ST3GAL1: variants seen among roughly 807,000 people sequenced by gnomAD.
ST3GAL1 encodes the protein CMP-N-acetylneuraminate-beta-galactosamide-alpha-2,3-sialyltransferase 1.
ST3GAL1 carries 16 observed loss-of-function variants against 34.1 expected under a neutral mutation model. The ratio of observed to expected loss-of-function variants is 0.47; its 90% CI spans 0.32 to 0.71. The LOEUF (loss-of-function observed/expected upper bound fraction) is 0.71, where lower values mean the gene tolerates loss of function less well. ST3GAL1 is among the 30% of genes least tolerant of loss of function. The pLI, the probability that ST3GAL1 is intolerant of heterozygous loss-of-function variation, is 0.04. For synonymous variants in ST3GAL1, 191 were observed against 184.7 expected, an observed-to-expected ratio of 1.03 and a Z score of -0.28; for missense variants, 353 against 447.4, an observed-to-expected ratio of 0.79 and a Z score of 1.90.
intron 2 of ST3GAL1, among the ~76,000 whole-genome samples, chr8:133,517,962 A>G (rs1468960707): frequency 6.6e-6 from 1 of 152,216 alleles, no homozygotes; most frequent in Admixed American, 6.5e-5. Context: ...AGTGGCAGCC[A>G]TCTCCTTTGG....
intron 1 of ST3GAL1, among the ~76,000 whole-genome samples, chr8:133,551,590 GAAAGAAAGAAAGAAA>G (rs1818858355): frequency 6.7e-6 from 1 of 150,058 alleles, no homozygotes; most frequent in African/African-American, 2.5e-5. Context: ...AAGAAAGAAA[GAAAGAAAGAAAGAAA>G]GAAAGAAAGA....
intron 1 of ST3GAL1, among the ~76,000 whole-genome samples, chr8:133,569,910 G>A (rs1563747555): frequency 6.6e-6 from 1 of 152,280 alleles, no homozygotes; most frequent in Non-Finnish European, 1.5e-5. Context: ...GCACGTAGTA[G>A]GTGCTCCAGG....
At chr8:133,486,479 G>A (rs538785907) in intron 3 of ST3GAL1, among the ~76,000 whole-genome samples, 4 of 152,276 alleles carry the variant, frequency 2.6e-5, no homozygotes, top group African/African-American at 9.6e-5. Context: ...CCCACTCAAC[G>A]CCGCTCTCCT....
chr8:133,565,744 G>T (rs1819376092), intron 1 of ST3GAL1, among the ~76,000 whole-genome samples: 2 of 152,196 alleles, frequency 1.3e-5, no homozygotes, highest in Non-Finnish European at 2.9e-5. Context: ...AGAGGGAGTG[G>T]GAATTTATAC....
At chr8:133,479,697 G>A (rs539956466) in intron 3 of ST3GAL1, among the ~76,000 whole-genome samples, 2 of 152,260 alleles carry the variant, frequency 1.3e-5, no homozygotes, top group Admixed American at 6.5e-5. Context: ...GAGAGGCAGG[G>A]CAGAGGGCAA....
Position 133,571,345 on chromosome 8 carries a change from G to A in ST3GAL1, c.-582+348C>T, listed in dbSNP as rs1449538636. 1.3e-5 allele frequency among the ~76,000 whole-genome samples: 2 copies of A among 152,272 alleles called. No individual in the cohort carries two copies. Among genetic ancestry groups the A allele is most frequent in the Middle Eastern group, 3.4e-3 (1 of 294 alleles). On this transcript the variant is annotated intron_variant, in intron 1 of 9. Transcript: ENST00000522652. This position sits in a 1 kb window ranked among gnomAD's most constrained non-coding sequence, Gnocchi z 6.7. The stretch of plus-strand genomic sequence containing the variant: ...GGGCTGCTTTCGGGAACCGCTGCCC[G>A]GGACTTGGCGTAGGTTCCCCACAGA...
intron 1 of ST3GAL1, among the ~76,000 whole-genome samples, chr8:133,562,407 G>A (rs536521082): frequency 2.0e-5 from 3 of 152,006 alleles, no homozygotes; most frequent in Admixed American, 2.0e-4. Flanking sequence ...ATGGGGTTTC[G>A]CCATGTTGGC....
intron 2 of ST3GAL1, among the ~76,000 whole-genome samples, chr8:133,510,438 G>T (rs796661141): frequency 2.0e-5 from 3 of 152,204 alleles, no homozygotes; most frequent in African/African-American, 7.2e-5. Context: ...AGCTTTCAGA[G>T]ATAGTCTGCA....
intron 1 of ST3GAL1, among the ~76,000 whole-genome samples, chr8:133,555,000 T>C (rs1463543358): frequency 1.3e-5 from 2 of 152,148 alleles, no homozygotes; most frequent in Non-Finnish European, 2.9e-5. Flanking sequence ...GTGCTGGAAT[T>C]ACAGGTGTGA....
intron 3 of ST3GAL1, among the ~76,000 whole-genome samples, chr8:133,478,113 C>A (rs1403060108): frequency 1.3e-5 from 2 of 152,198 alleles, no homozygotes; most frequent in Non-Finnish European, 2.9e-5. Context: ...TCATGACAAC[C>A]TAGATTTTGT....
rs775411394 is a variant in ST3GAL1 at position 133,466,119 on chromosome 8, C to T, written c.307-29G>A. 145 of 1,587,296 alleles carry T rather than the reference C, an allele frequency of 9.1e-5. 1 individual carries two copies. Among genetic ancestry groups the T allele is most frequent in the Non-Finnish European group, 2.7e-5 (31 of 1,163,374 alleles). On this transcript the variant is annotated intron_variant, in intron 5 of 9. Coordinates refer to ENST00000522652, the MANE Select transcript of ST3GAL1 (RefSeq NM_173344.3). The surrounding 1 kb of genome is among the most constrained non-coding windows in gnomAD (Gnocchi z 4.4). Reference sequence around the variant, plus strand: ...TGGGCGGAGGACAGAAGGTGGTCAACCTGGCTTTGTGGCTCCAGCCTCCTG... The same window carrying T: ...TGGGCGGAGGACAGAAGGTGGTCAATCTGGCTTTGTGGCTCCAGCCTCCTG...
chr8:133,507,474 C>G (rs1368424736), intron 2 of ST3GAL1, among the ~76,000 whole-genome samples: 2 of 152,102 alleles, frequency 1.3e-5, no homozygotes, highest in Non-Finnish European at 2.9e-5. Flanking sequence ...GAAGGTATTC[C>G]CAGGAAGGTA....
At chr8:133,460,006 C>T (rs1815437980) in intron 9 of ST3GAL1, 69 bp from the exon 10 acceptor site, 2 of 1,503,556 alleles carry the variant, frequency 1.3e-6, no homozygotes, top group African/African-American at 1.4e-5. Flanking sequence ...GAAAGGAAGC[C>T]TGTAGGCGTT....
At chr8:133,545,106 A>G (rs1292177046) in intron 2 of ST3GAL1, among the ~76,000 whole-genome samples, 1 of 152,226 alleles carries the variant, frequency 6.6e-6, no homozygotes, top group African/African-American at 2.4e-5. Flanking sequence ...TGAGGCCTGA[A>G]TTTTTCGTAT....
Position 133,475,859 on chromosome 8 carries a change from G to A in ST3GAL1, c.166C>T (p.His56Tyr), listed in dbSNP as rs779862357. 2 of 1,614,150 alleles carry A rather than the reference G, an allele frequency of 1.2e-6. No individual in the cohort carries two copies. The highest frequency in any genetic ancestry group is 8.5e-7 in the Non-Finnish European group (1 of 1,180,034). Residue 56 changes from histidine to tyrosine, a missense_variant, in exon 5 of 10, where the codon CAC (histidine) becomes TAC (tyrosine). Coordinates refer to ENST00000522652, the MANE Select transcript of ST3GAL1 (RefSeq NM_173344.3). Reference protein sequence around the residue: ...LSENLKRLIKHRPCTCTHCIG... With the variant: ...LSENLKRLIKYRPCTCTHCIG... ...CAGTGGGTGCAGGTGCAAGGCCTGT[G>A]CTTGATCAGTCTCTTCAGGTTCTCG... is the stretch of plus-strand genomic sequence containing the variant.
At chr8:133,480,172 C>T (rs1291864472) in intron 3 of ST3GAL1, among the ~76,000 whole-genome samples, 1 of 152,216 alleles carries the variant, frequency 6.6e-6, no homozygotes, top group Non-Finnish European at 1.5e-5. Flanking sequence ...GCCACATGCT[C>T]AATACGAGGA....
rs1819561841 is a variant in ST3GAL1 at position 133,571,326 on chromosome 8, C to T, written c.-582+367G>A. Among the ~76,000 whole-genome samples, 1 of 152,206 alleles carries T rather than the reference C, an allele frequency of 6.6e-6. No homozygotes were observed. On this transcript the variant is annotated intron_variant, in intron 1 of 9. Coordinates refer to ENST00000522652, the MANE Select transcript of ST3GAL1 (RefSeq NM_173344.3). The surrounding 1 kb of genome is among the most constrained non-coding windows in gnomAD (Gnocchi z 6.7). ...GCCGGGTGCAATGTCACTGGGGCTG[C>T]TTTCGGGAACCGCTGCCCGGGACTT...
chr8:133,474,263 A>G (rs906896957), intron 5 of ST3GAL1, among the ~76,000 whole-genome samples: 3 of 152,012 alleles, frequency 2.0e-5, no homozygotes, highest in Admixed American at 1.3e-4. Context: ...TCCTGTGCCC[A>G]CTTCCTGCAC....
chr8:133,492,916 G>C (rs956154383), intron 3 of ST3GAL1, among the ~76,000 whole-genome samples: 1 of 152,146 alleles, frequency 6.6e-6, no homozygotes, highest in East Asian at 1.9e-4. Context: ...AAGTGATCAC[G>C]AGTGCTCCTC....
Sources: gnomAD v4.1 joint callset for allele counts (sites outside exome capture counted in the v4.1 genomes callset) on GRCh38, gnomAD v4.1.1 for gene constraint, Gnocchi (gnomAD v3.1) non-coding constraint, MANE v1.5 for transcripts, NCBI Gene and HGNC (gene_info 2026-07-23, HGNC 2026-07-21) for gene names.